Variants in UNC79 observed in about 807,000 individuals in gnomAD.
UNC79 encodes the protein protein unc-79 homolog.
In UNC79, 37 loss-of-function variants were observed where a neutral mutation model predicts 283.1. The observed-to-expected ratio is 0.13, with a 90% confidence interval of 0.10 to 0.17. The LOEUF (loss-of-function observed/expected upper bound fraction) is 0.17, where lower values mean the gene tolerates loss of function less well. Among genes scored for constraint, UNC79 ranks in the 10% least tolerant of loss-of-function variants. The pLI is 1.00. For missense variants in UNC79, 2,272 were observed against 3,211.1 expected, an observed-to-expected ratio of 0.71 and a Z score of 7.07; for synonymous variants, 1,107 against 1,200.2, an observed-to-expected ratio of 0.92 and a Z score of 1.61.
intron 41 of UNC79, among the ~76,000 whole-genome samples, chr14:93,677,534 A>C (rs2073449743): frequency 6.6e-6 from 1 of 152,224 alleles, no homozygotes; most frequent in Non-Finnish European, 1.5e-5. Flanking sequence ...CCATTCAATT[A>C]TCTCCACCTG....
At chr14:93,608,189 C>T (rs1011226106) in intron 26 of UNC79, among the ~76,000 whole-genome samples, 1 of 152,070 alleles carries the variant, frequency 6.6e-6, no homozygotes, top group African/African-American at 2.4e-5. Flanking sequence ...ACCTGCTGGA[C>T]TAGGAAATAC....
At chr14:93,574,482 A>G (rs1384655201) in intron 16 of UNC79, among the ~76,000 whole-genome samples, 1 of 152,230 alleles carries the variant, frequency 6.6e-6, no homozygotes, top group Non-Finnish European at 1.5e-5. Flanking sequence ...AGCAGCTCAC[A>G]GTGGGAGGGA....
At chr14:93,654,839 T>C (rs1455618049) in intron 37 of UNC79, among the ~76,000 whole-genome samples, 2 of 152,182 alleles carry the variant, frequency 1.3e-5, no homozygotes, top group Non-Finnish European at 2.9e-5. Flanking sequence ...TCAGCACTGC[T>C]GCAGGTCAGC....
chr14:93,483,586 A>G (rs1476023903), intron 4 of UNC79, among the ~76,000 whole-genome samples: 3 of 150,664 alleles, frequency 2.0e-5, no homozygotes, highest in Admixed American at 1.3e-4. Context: ...GGTTTGTTAC[A>G]TATGTATACA....
chr14:93,399,897 G>A (rs887598682), intron 1 of UNC79, among the ~76,000 whole-genome samples: 3 of 152,112 alleles, frequency 2.0e-5, no homozygotes, highest in Non-Finnish European at 4.4e-5. Context: ...TGGTTATCTG[G>A]GAAAAGCTTA....
At chr14:93,673,321 A>T (rs745708398) in intron 40 of UNC79, 30 bp from the exon 44 acceptor site, 8 of 1,593,916 alleles carry the variant, frequency 5.0e-6, no homozygotes, top group East Asian at 4.5e-5. Context: ...TTCTAAAATC[A>T]CTTACCTCCT....
chr14:93,505,966 A>G (rs2059516552), intron 7 of UNC79, among the ~76,000 whole-genome samples: 1 of 151,526 alleles, frequency 6.6e-6, no homozygotes, highest in Non-Finnish European at 1.5e-5. Context: ...ACTTTATTTT[A>G]TATATATACA....
At chr14:93,415,937 G>A (rs1039692486) in intron 1 of UNC79, among the ~76,000 whole-genome samples, 2 of 152,084 alleles carry the variant, frequency 1.3e-5, no homozygotes, top group Non-Finnish European at 2.9e-5. Context: ...CTTGCTAGCA[G>A]TCTATCAATT....
intron 1 of UNC79, among the ~76,000 whole-genome samples, chr14:93,339,835 C>CT (rs1442615507): frequency 6.6e-6 from 1 of 152,212 alleles, no homozygotes; most frequent in Non-Finnish European, 1.5e-5. Flanking sequence ...AAATTTTAAT[C>CT]TATGACATTT....
At chr14:93,348,565 G>C (rs1038566662) in intron 1 of UNC79, among the ~76,000 whole-genome samples, 1 of 152,138 alleles carries the variant, frequency 6.6e-6, no homozygotes, top group Non-Finnish European at 1.5e-5. Context: ...TATTAGTACT[G>C]CCATGCCACA....
At chr14:93,653,983 C>T in exon 37 of UNC79, 1 of 1,614,102 alleles carries the variant, frequency 6.2e-7, no homozygotes, top group Non-Finnish European at 8.5e-7. Context: ...TGATGGACTT[C>T]AATGAGCTGA....
chr14:93,609,365 G>T (rs1220443557), intron 26 of UNC79, among the ~76,000 whole-genome samples: 1 of 152,146 alleles, frequency 6.6e-6, no homozygotes, highest in Non-Finnish European at 1.5e-5. Context: ...GTCTGGAAAA[G>T]CAGATCCTGA....
At chr14:93,542,956 ATT>A (rs34093801) in intron 14 of UNC79, among the ~76,000 whole-genome samples, 1 of 145,338 alleles carries the variant, frequency 6.9e-6, no homozygotes. Flanking sequence ...GACATTGCTG[ATT>A]TTTTTTTTTT....
intron 41 of UNC79, among the ~76,000 whole-genome samples, chr14:93,682,232 T>C (rs1271789192): frequency 6.6e-6 from 1 of 152,238 alleles, no homozygotes; most frequent in African/African-American, 2.4e-5. Context: ...TCTGGTTTCT[T>C]TCTAAATATA....
intron 1 of UNC79, among the ~76,000 whole-genome samples, chr14:93,389,003 G>A (rs2054832052): frequency 6.6e-6 from 1 of 152,194 alleles, no homozygotes; most frequent in East Asian, 1.9e-4. Flanking sequence ...GAATGGACCA[G>A]TTTAACTTTT....
At chr14:93,552,761 T>C (rs1447728110) in intron 14 of UNC79, among the ~76,000 whole-genome samples, 2 of 152,234 alleles carry the variant, frequency 1.3e-5, no homozygotes, top group African/African-American at 2.4e-5. Context: ...ATTAGACTTT[T>C]TAAAGCTGTG....
intron 15 of UNC79, 87 bp downstream of exon 15, chr14:93,572,171 A>C: frequency 2.2e-6 from 3 of 1,376,298 alleles, no homozygotes; most frequent in Non-Finnish European, 2.9e-6. Flanking sequence ...CACCCTACTA[A>C]GCGTTTTATA....
intron 26 of UNC79, among the ~76,000 whole-genome samples, chr14:93,607,944 A>G (rs2139678324): frequency 6.6e-6 from 1 of 152,308 alleles, no homozygotes; most frequent in African/African-American, 2.4e-5. Flanking sequence ...AAGATCCAGT[A>G]AGTCAGAGTA....
At chr14:93,473,609 C>A (rs1427215462) in intron 2 of UNC79, among the ~76,000 whole-genome samples, 1 of 152,172 alleles carries the variant, frequency 6.6e-6, no homozygotes, top group Non-Finnish European at 1.5e-5. Context: ...TTATTCTTTG[C>A]TGAAACATGT....
Sources: allele counts gnomAD v4.1 joint callset (sites outside exome capture counted in the v4.1 genomes callset), GRCh38; gene constraint gnomAD v4.1.1; transcripts MANE v1.5; gene names NCBI Gene and HGNC (gene_info 2026-07-23, HGNC 2026-07-21).